Variants in DLGAP4 observed in about 807,000 individuals in gnomAD.
The protein encoded by DLGAP4 is disks large-associated protein 4.
A neutral mutation model predicts 86.9 loss-of-function variants in DLGAP4; 18 were observed. The observed-to-expected ratio is 0.21, with a 90% CI of 0.14 to 0.31. The LOEUF is 0.31. Ranked by LOEUF, DLGAP4 falls within the 10% of genes least tolerant of loss-of-function variation. The pLI is 1.00. For missense variants in DLGAP4, 1,085 were observed against 1,362.6 expected (o/e 0.80, Z 3.21); for synonymous variants, 548 against 574.3 (o/e 0.95, Z 0.65).
intron 2 of DLGAP4, among the ~76,000 whole-genome samples, chr20:36,371,751 T>G (rs932936962): frequency 6.6e-6 from 1 of 152,144 alleles, no homozygotes; most frequent in Non-Finnish European, 1.5e-5. Context: ...TCGTAGAGGT[T>G]TTTGTTTTTT....
intron 2 of DLGAP4, among the ~76,000 whole-genome samples, chr20:36,430,709 C>A (rs574942573): frequency 7.0e-6 from 1 of 143,716 alleles, no homozygotes; most frequent in South Asian, 2.4e-4. Context: ...AATCTCAGTA[C>A]TTTGGAAGGC....
chr20:36,410,526 C>T (rs2032469005), intron 2 of DLGAP4, among the ~76,000 whole-genome samples: 1 of 152,194 alleles, frequency 6.6e-6, no homozygotes, highest in South Asian at 2.1e-4. Context: ...GCTTACAGTT[C>T]TGCAAGCTAT....
intron 2 of DLGAP4, among the ~76,000 whole-genome samples, chr20:36,421,778 T>A (rs1444695882): frequency 6.6e-6 from 1 of 151,874 alleles, no homozygotes; most frequent in Non-Finnish European, 1.5e-5. Context: ...GGGTGAGAGA[T>A]CCCGTGTTCT....
chr20:36,345,148 A>G (rs552345476), intron 1 of DLGAP4, among the ~76,000 whole-genome samples: 1 of 152,326 alleles, frequency 6.6e-6, no homozygotes, highest in Non-Finnish European at 1.5e-5. Context: ...GATTCTTGAC[A>G]TGTCCCAGCT....
Position 36,333,833 on chromosome 20 carries a change from G to A in DLGAP4, c.-304+27321G>A, listed in dbSNP as rs533788683. 8.5e-5 allele frequency among the ~76,000 whole-genome samples: 13 copies of A among 152,308 alleles called. No individual in the cohort carries two copies. In the South Asian group the frequency reaches 2.7e-3, roughly 32 times the overall value. On this transcript the variant is annotated intron_variant, in intron 1 of 12. Coordinates refer to ENST00000339266, the MANE Select transcript of DLGAP4 (RefSeq NM_001365621.2). ...GCACTGACAGGTGTTTCCCAAATGG[G>A]TGAAAACATAGATAATTTTCCCCAC...
chr20:36,312,390 C>T (rs1042388165), intron 1 of DLGAP4, among the ~76,000 whole-genome samples: 138,347 of 151,936 alleles, frequency 0.91, 63,752 homozygotes, highest in East Asian at 0.99. Context: ...CACACACACA[C>T]ACACACACAC....
intron 7 of DLGAP4, among the ~76,000 whole-genome samples, chr20:36,454,482 G>A (rs974728279): frequency 6.6e-6 from 1 of 151,844 alleles, no homozygotes; most frequent in African/African-American, 2.4e-5. Flanking sequence ...ACCATATATG[G>A]CGAGCCTGCC....
At chr20:36,330,970 A>G (rs2147358336) in intron 1 of DLGAP4, among the ~76,000 whole-genome samples, 1 of 152,326 alleles carries the variant, frequency 6.6e-6, no homozygotes, top group Middle Eastern at 3.4e-3. Flanking sequence ...TATTATTACT[A>G]TTATGAGTAT....
At chr20:36,383,252 G>T (rs2031470455) in intron 2 of DLGAP4, among the ~76,000 whole-genome samples, 1 of 152,222 alleles carries the variant, frequency 6.6e-6, no homozygotes, top group East Asian at 1.9e-4. Context: ...GGCAGCCAGT[G>T]ATATCAGAGA....
chr20:36,365,965 C>G (rs2030673161), intron 1 of DLGAP4, among the ~76,000 whole-genome samples: 1 of 152,136 alleles, frequency 6.6e-6, no homozygotes, highest in South Asian at 2.1e-4. Flanking sequence ...GTTTCTTGAC[C>G]TGTAAAATTG....
chr20:36,440,489 A>G (rs1454843970), intron 5 of DLGAP4, among the ~76,000 whole-genome samples: 1 of 152,116 alleles, frequency 6.6e-6, no homozygotes, highest in Non-Finnish European at 1.5e-5. Context: ...ACTGGGCTGA[A>G]CGTTGAATTT....
intron 1 of DLGAP4, among the ~76,000 whole-genome samples, chr20:36,337,692 C>A (rs782805626): frequency 2.3e-4 from 35 of 152,326 alleles, no homozygotes; most frequent in Non-Finnish European, 4.0e-4. Flanking sequence ...GCTTCCCCCC[C>A]AGGATGTTTC....
intron 7 of DLGAP4, among the ~76,000 whole-genome samples, chr20:36,478,678 C>T (rs1326969578): frequency 6.6e-6 from 1 of 152,140 alleles, no homozygotes; most frequent in African/African-American, 2.4e-5. Flanking sequence ...GTCAGTCTTG[C>T]CGAAGCAAGC....
intron 10 of DLGAP4, among the ~76,000 whole-genome samples, chr20:36,506,652 T>G (rs1057502835): frequency 4.6e-5 from 7 of 152,250 alleles, no homozygotes; most frequent in Admixed American, 4.6e-4. Context: ...GATAATTTAT[T>G]TTTCTGAATT....
chr20:36,478,285 T>C (rs149798804), intron 7 of DLGAP4, among the ~76,000 whole-genome samples: 129 of 152,032 alleles, frequency 8.5e-4, no homozygotes, highest in Middle Eastern at 3.4e-3. Context: ...GCAAAACCAA[T>C]CAACCAGAAG....
In DLGAP4 at chr20:36,431,603, A is replaced by G. The variant is rs1023546209; in HGVS notation, c.-72-43A>G. 1 of 1,246,330 alleles carries G rather than the reference A, an allele frequency of 8.0e-7. No homozygotes were observed. Among genetic ancestry groups the G allele is most frequent in the Non-Finnish European group, 1.1e-6 (1 of 917,724 alleles). 77.2% of individuals were successfully genotyped at this position (1,246,330 alleles called of 1,614,324 possible). A position where few individuals can be genotyped will look rare whatever the true frequency, so the allele number is the denominator to read the frequency against. On this transcript the variant is annotated intron_variant, in intron 2 of 12. Coordinates refer to ENST00000339266, the MANE Select transcript of DLGAP4 (RefSeq NM_001365621.2). The surrounding 1 kb of genome is among the most constrained non-coding windows in gnomAD (Gnocchi z 5.1). ...GACCTTCCCGGCACCCCTCCCCGAC[A>G]ATCCAGCTGACCAGCTGACCGCTTT... is the stretch of plus-strand genomic sequence containing the variant.
At position 36,500,176 on chromosome 20, in the gene DLGAP4, C is replaced by T. The variant is rs1204829982; in HGVS notation, c.2100-23C>T. On this transcript the variant is annotated intron_variant, in intron 9 of 12. Transcript: ENST00000339266. This position sits in a 1 kb window ranked among gnomAD's most constrained non-coding sequence, Gnocchi z 4.6. ...GGTGACTCACTCCTTCCTGTCCCCA[C>T]CCCATCCACCCCCTACCCACAGAAG... The T allele has an allele frequency of 3.3e-6, 5 of 1,503,918 alleles. No homozygotes were observed. The highest frequency in any genetic ancestry group is 1.4e-5 in the African/African-American group (1 of 71,352). 93.2% of individuals were successfully genotyped at this position (1,503,918 alleles called of 1,614,324 possible).
At chr20:36,337,040 G>A (rs543455840) in intron 1 of DLGAP4, among the ~76,000 whole-genome samples, 4 of 152,156 alleles carry the variant, frequency 2.6e-5, no homozygotes, top group East Asian at 1.9e-4. Context: ...TGGGGGAGTC[G>A]GGAGAGAGTG....
At chr20:36,318,973 GTC>G (rs1387790683) in intron 1 of DLGAP4, among the ~76,000 whole-genome samples, 1 of 151,988 alleles carries the variant, frequency 6.6e-6, no homozygotes, top group Non-Finnish European at 1.5e-5. Context: ...GTGAAACCCT[GTC>G]TCTACTAAAA....
Sources: gnomAD v4.1 joint callset for allele counts (sites outside exome capture counted in the v4.1 genomes callset) on GRCh38, gnomAD v4.1.1 for gene constraint, Gnocchi (gnomAD v3.1) non-coding constraint, MANE v1.5 for transcripts, NCBI Gene and HGNC (gene_info 2026-07-23, HGNC 2026-07-21) for gene names.